LINGO2: variants seen among roughly 807,000 people sequenced by gnomAD.
LINGO2 encodes leucine rich repeat and Ig domain containing 2, also known as leucine-rich repeat and immunoglobulin-like domain-containing nogo receptor-interacting protein 2.
In LINGO2, 14 loss-of-function variants were observed where a neutral mutation model predicts 30.6. The observed-to-expected ratio is 0.46, with a 90% CI of 0.30 to 0.72. The LOEUF (loss-of-function observed/expected upper bound fraction) is 0.72. Ranked by LOEUF, LINGO2 falls within the 30% of genes least tolerant of loss-of-function variation. The pLI, the probability that LINGO2 is intolerant of heterozygous loss-of-function variation, is 0.07. For missense variants in LINGO2, 729 were observed against 751.7 expected (o/e 0.97, Z 0.35); for synonymous variants, 317 against 288.5 (o/e 1.10, Z -1.00).
chr9:28,328,356 A>G (rs1825303312), intron 3 of LINGO2, among the ~76,000 whole-genome samples: 1 of 152,184 alleles, frequency 6.6e-6, no homozygotes, highest in Non-Finnish European at 1.5e-5. Flanking sequence ...TGATAATTAG[A>G]ATGAGAGTTG....
chr9:28,406,631 C>A (rs1478545336), intron 2 of LINGO2, among the ~76,000 whole-genome samples: 1 of 152,210 alleles, frequency 6.6e-6, no homozygotes, highest in Non-Finnish European at 1.5e-5. Flanking sequence ...TCTATCTCCA[C>A]CAGATTCTGA....
At chr9:28,936,988 G>C in the LINGO2 span, among the ~76,000 whole-genome samples, 6,262 of 152,056 alleles carry the variant, frequency 0.041, 195 homozygotes, top group Admixed American at 0.082. Context: ...TACACTTCTG[G>C]GGTCTCTTCT....
chr9:28,847,238 T>C, the LINGO2 span, among the ~76,000 whole-genome samples: 8 of 148,376 alleles, frequency 5.4e-5, 1 homozygote, highest in South Asian at 2.2e-4. Context: ...CAGGCCTTGG[T>C]AGGCTAATAA....
At chr9:28,312,862 G>A (rs1405158349) in intron 3 of LINGO2, among the ~76,000 whole-genome samples, 2 of 151,986 alleles carry the variant, frequency 1.3e-5, no homozygotes, top group Non-Finnish European at 2.9e-5. Flanking sequence ...TCTTAATCAG[G>A]GCTCTGTTGT....
At chr9:28,587,291 A>G (rs1298948537) in intron 1 of LINGO2, among the ~76,000 whole-genome samples, 2 of 152,032 alleles carry the variant, frequency 1.3e-5, no homozygotes, top group African/African-American at 4.8e-5. Flanking sequence ...TGCAGGTACC[A>G]TTCCTATGCC....
chr9:28,574,064 A>G (rs58662652), intron 1 of LINGO2, among the ~76,000 whole-genome samples: 9,742 of 152,270 alleles, frequency 0.064, 421 homozygotes, highest in African/African-American at 0.12. Flanking sequence ...TTGATGAAAT[A>G]CTGATCTTTA....
Position 28,148,996 on chromosome 9 carries a change from C to T in LINGO2, c.-86-136591G>A. 4.6e-6 allele frequency: 7 copies of T among 1,534,250 alleles called. No homozygotes were observed. The highest frequency in any genetic ancestry group is 6.1e-6 in the Non-Finnish European group (7 of 1,146,796). On this transcript the variant is annotated intron_variant, in intron 4 of 5. Transcript: ENST00000379992. This position sits in a 1 kb window ranked among gnomAD's most constrained non-coding sequence, Gnocchi z 5.1. ...GGCCACCGCTGCAGCTGCAACCGACCCCTCCCCTGCAACTGAGGTGGGATA... is the reference window on the plus strand; with the variant it reads ...GGCCACCGCTGCAGCTGCAACCGACTCCTCCCCTGCAACTGAGGTGGGATA...
At chr9:28,549,812 T>A (rs2135496589) in intron 1 of LINGO2, among the ~76,000 whole-genome samples, 1 of 151,990 alleles carries the variant, frequency 6.6e-6, no homozygotes, top group Non-Finnish European at 1.5e-5. Context: ...TCAAACATAT[T>A]CATCCATTTT....
intron 5 of LINGO2, among the ~76,000 whole-genome samples, chr9:27,999,998 G>GAA (rs1821868061): frequency 6.6e-6 from 1 of 152,122 alleles, no homozygotes; most frequent in South Asian, 2.1e-4. Context: ...TACGGTACTT[G>GAA]AAATAAGCTT....
rs144907961 is a variant in LINGO2, at chr9:28,211,334, G to A, written c.-87+83874C>T. On this transcript the variant is annotated intron_variant, in intron 4 of 5. Coordinates refer to ENST00000379992, the Ensembl canonical transcript of LINGO2. ...TGAGGACAGTATTTTCCCTGCCATT[G>A]AGTTATAAATATAATCCCTCTCATC... 2.3e-3 allele frequency among the ~76,000 whole-genome samples: 335 copies of A among 146,074 alleles called. 5 individuals carry two copies. Among genetic ancestry groups the A allele is most frequent in the African/African-American group, 7.9e-3 (313 of 39,400 alleles).
chr9:27,988,548 G>A (rs887801912), intron 5 of LINGO2, among the ~76,000 whole-genome samples: 1 of 151,996 alleles, frequency 6.6e-6, no homozygotes. Flanking sequence ...CATTCTAACT[G>A]GTGTGAGATG....
At chr9:28,978,418 A>T in the LINGO2 span, among the ~76,000 whole-genome samples, 1 of 152,132 alleles carries the variant, frequency 6.6e-6, no homozygotes, top group Non-Finnish European at 1.5e-5. Context: ...TGTAGCAGTT[A>T]TTGGAATCCT....
chr9:28,877,009 A>G, the LINGO2 span, among the ~76,000 whole-genome samples: 1 of 151,888 alleles, frequency 6.6e-6, no homozygotes, highest in African/African-American at 2.4e-5. Flanking sequence ...CAGTGATGGT[A>G]ACCATTTTTT....
At chr9:29,126,109 C>T in the LINGO2 span, among the ~76,000 whole-genome samples, 1 of 152,240 alleles carries the variant, frequency 6.6e-6, no homozygotes, top group Non-Finnish European at 1.5e-5. Flanking sequence ...CCCTCCCCTT[C>T]TCATCCCATG....
chr9:28,136,614 G>A (rs537412953), intron 4 of LINGO2, among the ~76,000 whole-genome samples: 93 of 152,248 alleles, frequency 6.1e-4, no homozygotes, highest in African/African-American at 2.2e-3. Flanking sequence ...GCTTTAGAGA[G>A]AATTCCTCCA....
intron 2 of LINGO2, among the ~76,000 whole-genome samples, chr9:28,407,296 G>T (rs1331908): frequency 5.9e-5 from 9 of 151,988 alleles, no homozygotes; most frequent in Admixed American, 3.3e-4. Context: ...TAATGAGCCA[G>T]AGTAAGGTTA....
the LINGO2 span, among the ~76,000 whole-genome samples, chr9:28,740,792 A>G: frequency 6.6e-6 from 1 of 152,064 alleles, no homozygotes; most frequent in Non-Finnish European, 1.5e-5. Context: ...ATATTGTGAG[A>G]ACAAATATAA....
chr9:28,837,649 A>AATAAATATATATATATATATATAT, the LINGO2 span, among the ~76,000 whole-genome samples: 2 of 75,838 alleles, frequency 2.6e-5, no homozygotes, highest in African/African-American at 1.0e-4. Flanking sequence ...CTCCGTCTAA[A>AATAAATATATATATATATATATAT]ATATATATAT....
chr9:28,512,207 C>T (rs147842605), intron 1 of LINGO2, among the ~76,000 whole-genome samples: 15 of 152,196 alleles, frequency 9.9e-5, no homozygotes, highest in South Asian at 4.2e-4. Context: ...ACCCGGTTCA[C>T]GGTAGGCAGT....
Sources: gnomAD v4.1 joint callset for allele counts (sites outside exome capture counted in the v4.1 genomes callset) on GRCh38, gnomAD v4.1.1 for gene constraint, Gnocchi (gnomAD v3.1) non-coding constraint, MANE v1.5 for transcripts, NCBI Gene and HGNC (gene_info 2026-07-23, HGNC 2026-07-21) for gene names.